The following RFX3 variants were observed in gnomAD, a reference collection of about 807,000 sequenced individuals.
RFX3 encodes the protein regulatory factor X3, also known as transcription factor RFX3.
A neutral mutation model predicts 98.6 loss-of-function variants in RFX3; 14 were observed. The observed-to-expected ratio is 0.14, with a 90% CI of 0.09 to 0.22. The LOEUF is 0.22. Ranked by LOEUF, RFX3 falls within the 10% of genes least tolerant of loss-of-function variation. The pLI is 1.00. For synonymous variants in RFX3, 383 were observed against 328.4 expected, an observed-to-expected ratio of 1.17 and a Z score of -1.80; for missense variants, 639 against 926.9, an observed-to-expected ratio of 0.69 and a Z score of 4.03.
intron 15 of RFX3, among the ~76,000 whole-genome samples, chr9:3,231,614 A>T (rs1818458926): frequency 6.6e-6 from 1 of 152,088 alleles, no homozygotes; most frequent in South Asian, 2.1e-4. Context: ...TTCAAGTCTT[A>T]GAAATGGAAA....
chr9:3,336,209 T>C (rs1294786793), intron 3 of RFX3, among the ~76,000 whole-genome samples: 1 of 152,160 alleles, frequency 6.6e-6, no homozygotes, highest in Non-Finnish European at 1.5e-5. Context: ...GGGTACAACA[T>C]TTTATTGCTT....
chr9:3,230,010 G>A (rs953990517), intron 15 of RFX3, among the ~76,000 whole-genome samples: 2 of 152,128 alleles, frequency 1.3e-5, no homozygotes, highest in African/African-American at 4.8e-5. Context: ...ACAATTTCAA[G>A]AGTTAGTTTA....
At chr9:3,242,862 G>C (rs974225437) in intron 15 of RFX3, among the ~76,000 whole-genome samples, 4 of 151,656 alleles carry the variant, frequency 2.6e-5, no homozygotes, top group African/African-American at 9.7e-5. Flanking sequence ...GACTCTACTG[G>C]TTTCTCTTTA....
intron 1 of RFX3, among the ~76,000 whole-genome samples, chr9:3,515,957 A>G (rs986644892): frequency 6.6e-6 from 1 of 152,182 alleles, no homozygotes. Flanking sequence ...TATATGACTT[A>G]TCCTGAATAA....
intron 15 of RFX3, among the ~76,000 whole-genome samples, chr9:3,231,714 G>A (rs1177319418): frequency 6.6e-6 from 1 of 152,002 alleles, no homozygotes; most frequent in Non-Finnish European, 1.5e-5. Context: ...GCAGGCAGAA[G>A]AAAAATAGTA....
chr9:3,471,441 C>T (rs1848764363), intron 1 of RFX3, among the ~76,000 whole-genome samples: 1 of 152,166 alleles, frequency 6.6e-6, no homozygotes, highest in Non-Finnish European at 1.5e-5. Flanking sequence ...TTTCTTTTGT[C>T]ACTATATCTG....
At chr9:3,368,156 C>G (rs1327166598) in intron 2 of RFX3, among the ~76,000 whole-genome samples, 2 of 152,076 alleles carry the variant, frequency 1.3e-5, no homozygotes, top group African/African-American at 4.8e-5. Context: ...TATTACCTTT[C>G]TAAAACTTAT....
chr9:3,514,150 A>G (rs542370408), intron 1 of RFX3, among the ~76,000 whole-genome samples: 1 of 152,314 alleles, frequency 6.6e-6, no homozygotes, highest in Non-Finnish European at 1.5e-5. Flanking sequence ...AAACTACACG[A>G]AGGTCATTCA....
intron 7 of RFX3, 94 bp from the exon 8 acceptor site, chr9:3,277,555 T>A: frequency 9.1e-7 from 1 of 1,101,430 alleles, no homozygotes; most frequent in Admixed American, 2.0e-5. Context: ...TTTTATTCTA[T>A]CTTCTTTAAC....
At chr9:3,472,619 C>T (rs1325424763) in intron 1 of RFX3, among the ~76,000 whole-genome samples, 1 of 151,886 alleles carries the variant, frequency 6.6e-6, no homozygotes, top group East Asian at 2.0e-4. Context: ...GATTTAGAGC[C>T]TATCCCTAAC....
chr9:3,429,685 G>T (rs183615276), intron 1 of RFX3, among the ~76,000 whole-genome samples: 224 of 152,242 alleles, frequency 1.5e-3, no homozygotes, highest in African/African-American at 5.2e-3. Context: ...ATTTGGGCAG[G>T]CCGATAATTA....
chr9:3,238,507 A>C (rs1819481383), intron 15 of RFX3, among the ~76,000 whole-genome samples: 1 of 152,214 alleles, frequency 6.6e-6, no homozygotes, highest in African/African-American at 2.4e-5. Context: ...ACCTTGGCCT[A>C]ACCCGAGTGT....
At chr9:3,313,531 T>A (rs1375749652) in intron 4 of RFX3, among the ~76,000 whole-genome samples, 1 of 152,158 alleles carries the variant, frequency 6.6e-6, no homozygotes, top group Non-Finnish European at 1.5e-5. Context: ...TTTGACGAGT[T>A]GAGAGAAGAA....
chr9:3,397,094 C>A (rs1212695992), intron 1 of RFX3, among the ~76,000 whole-genome samples: 1 of 152,150 alleles, frequency 6.6e-6, no homozygotes, highest in South Asian at 2.1e-4. Flanking sequence ...GATTTGTAAA[C>A]AAAGACATGT....
chr9:3,230,472 G>C (rs1818315326), intron 15 of RFX3, among the ~76,000 whole-genome samples: 1 of 152,122 alleles, frequency 6.6e-6, no homozygotes, highest in Non-Finnish European at 1.5e-5. Flanking sequence ...AGTTGTTCTT[G>C]ATCACATAGG....
chr9:3,349,524 A>G (rs151022950), intron 2 of RFX3, among the ~76,000 whole-genome samples: 3,206 of 152,224 alleles, frequency 0.021, 131 homozygotes, highest in African/African-American at 0.073. Context: ...AAAACAGGCA[A>G]TATATTTGGA....
chr9:3,262,321 T>C (rs1823017398), intron 13 of RFX3, among the ~76,000 whole-genome samples: 1 of 152,186 alleles, frequency 6.6e-6, no homozygotes, highest in Non-Finnish European at 1.5e-5. Flanking sequence ...TACTTTAAAG[T>C]ACAAGTGGGT....
chr9:3,432,193 C>A (rs1284812785), intron 1 of RFX3, among the ~76,000 whole-genome samples: 1 of 152,076 alleles, frequency 6.6e-6, no homozygotes, highest in African/African-American at 2.4e-5. Context: ...GCCTGTGTTT[C>A]AAAGTTCTTT....
intron 5 of RFX3, among the ~76,000 whole-genome samples, chr9:3,293,483 C>T (rs1424601363): frequency 6.6e-6 from 1 of 152,116 alleles, no homozygotes; most frequent in Admixed American, 6.6e-5. Context: ...TCCATTTCTT[C>T]AAATATTCAA....
Sources: allele counts gnomAD v4.1 joint callset (sites outside exome capture counted in the v4.1 genomes callset), GRCh38; gene constraint gnomAD v4.1.1; transcripts MANE v1.5; gene names NCBI Gene and HGNC (gene_info 2026-07-23, HGNC 2026-07-21).